Variants in ARHGAP20 observed in about 807,000 individuals in gnomAD.
The protein encoded by ARHGAP20 is rho GTPase-activating protein 20.
In ARHGAP20, 34 loss-of-function variants were observed where a neutral mutation model predicts 73.7. The ratio of observed to expected loss-of-function variants is 0.46; its 90% CI spans 0.35 to 0.61. ARHGAP20 has a LOEUF of 0.61. Among genes scored for constraint, ARHGAP20 ranks in the 20% least tolerant of loss-of-function variants. The probability of loss-of-function intolerance (pLI) is 0.00; values close to 1 mark genes in which losing one functional copy is unlikely to be tolerated. For missense variants in ARHGAP20, 1,314 were observed against 1,420.9 expected (o/e 0.92, Z 1.21); for synonymous variants, 523 against 518.2 (o/e 1.01, Z -0.13).
upstream of ARHGAP20, chr11:110,712,521 C>T (rs925893655): frequency 6.5e-6 from 1 of 153,622 alleles, no homozygotes; most frequent in African/African-American, 2.4e-5. Flanking sequence ...CGGGGCCCGC[C>T]CCCGCAGCCC....
At position 110,606,591 on chromosome 11, in the gene ARHGAP20, T is replaced by G. The variant is rs762653052; in HGVS notation, c.934A>C (p.Ser312Arg). 1.2e-6 allele frequency: 2 copies of G among 1,611,296 alleles called. No individual in the cohort carries two copies. The highest frequency in any genetic ancestry group is 1.7e-6 in the Non-Finnish European group (2 of 1,179,020). The change falls in exon 9 of 15, where the codon AGC (serine) becomes CGC (arginine). Residue 312 changes from serine (S) to arginine (R), a missense_variant. Around this residue, in one of 3 missense-constraint regions of ARHGAP20, gnomAD observed 443 missense variants for 466.4 expected, o/e 0.95. Transcript: ENST00000683387. ...EMQCQFILKPSRLAAAQQLSD... is the reference protein window; with the variant it reads ...EMQCQFILKPRRLAAAQQLSD... ...AGTTGCTGGGCTGCAGCCAGGCGGC[T>G]GGGCTTCAGGATGAACTGGCACTGC...
At chr11:110,664,403 A>G (rs963260505) in intron 2 of ARHGAP20, among the ~76,000 whole-genome samples, 3 of 152,162 alleles carry the variant, frequency 2.0e-5, no homozygotes, top group African/African-American at 7.2e-5. Flanking sequence ...TATCAATTGT[A>G]TTTCTACATA....
At chr11:110,655,279 T>C (rs1949440665) in intron 2 of ARHGAP20, among the ~76,000 whole-genome samples, 1 of 152,134 alleles carries the variant, frequency 6.6e-6, no homozygotes, top group African/African-American at 2.4e-5. Context: ...TTTTAAACTA[T>C]GTGGTACCAA....
chr11:110,624,133 G>A lies in ARHGAP20; in HGVS notation c.503+29C>T, dbSNP rs757464499. 3.1e-6 allele frequency: 5 copies of A among 1,599,820 alleles called. No individual in the cohort carries two copies. In the Admixed American group the frequency reaches 7.1e-5, roughly 23 times the overall value. On this transcript the variant is annotated intron_variant, in intron 4 of 14. Transcript: ENST00000683387. ...GAAATTATCATAGTAGCTAACCCAGGTAAATAGAGGACAAGCTGTGGTTCT... is the reference window on the plus strand; with the variant it reads ...GAAATTATCATAGTAGCTAACCCAGATAAATAGAGGACAAGCTGTGGTTCT...
In ARHGAP20 at chr11:110,577,231, C is replaced by A. The variant is rs187842352; in HGVS notation, c.*2139G>T. 399 of 1,494,894 alleles carry A rather than the reference C, an allele frequency of 2.7e-4. 3 individuals are homozygous for A. In the East Asian group the frequency reaches 8.3e-3, roughly 31 times the overall value. The allele number at this position is 1,494,894 out of a possible 1,614,324, so 92.6% of individuals were successfully genotyped here. On this transcript the variant is annotated 3_prime_UTR_variant, in exon 15 of 15. Coordinates refer to ENST00000683387, the MANE Select transcript of ARHGAP20 (RefSeq NM_001384657.1). ...CAAGATATATTATACAAACTCAAAGCATTTTAGATAAAGCATCAGTCTAAT... is the reference window on the plus strand; with the variant it reads ...CAAGATATATTATACAAACTCAAAGAATTTTAGATAAAGCATCAGTCTAAT...
In ARHGAP20 at chr11:110,579,539, C is replaced by T. The variant is rs1346862121; in HGVS notation, c.3407G>A (p.Cys1136Tyr). The T allele has an allele frequency of 1.9e-6, 3 of 1,614,158 alleles. No individual in the cohort carries two copies. Among genetic ancestry groups the T allele is most frequent in the South Asian group, 1.1e-5 (1 of 91,072 alleles). Residue 1136 changes from cysteine (C) to tyrosine (Y), a missense_variant, in exon 15 of 15, where the codon TGC (cysteine) becomes TAC (tyrosine). Around this residue, in one of 3 missense-constraint regions of ARHGAP20, gnomAD observed 641 missense variants for 636.9 expected, o/e 1.01. Transcript: ENST00000683387. ...CTCTATTTCCTCATGTGACTTCATG[C>T]ACAGCTTAAGTCTGCTCTCCACCAG... ...FSLVESRLKLCMKSHEEIEPG... is the reference protein window; with the variant it reads ...FSLVESRLKLYMKSHEEIEPG...
intron 2 of ARHGAP20, among the ~76,000 whole-genome samples, chr11:110,664,429 C>A (rs1949677418): frequency 6.6e-6 from 1 of 151,804 alleles, no homozygotes; most frequent in Non-Finnish European, 1.5e-5. Flanking sequence ...AACACACATT[C>A]AAAAAAATGA....
In ARHGAP20 at chr11:110,589,323, A is replaced by C. The variant is rs558155299; in HGVS notation, c.1305+1325T>G. 18 of 901,716 alleles carry C rather than the reference A, an allele frequency of 2.0e-5. No homozygotes were observed. In the South Asian group the frequency reaches 8.2e-4, roughly 41 times the overall value. 55.9% of individuals were successfully genotyped at this position (901,716 alleles called of 1,614,324 possible). ...CTCCAGTTCTCTTGCATGATATCTA[A>C]TTGCAAAAATTTATAGCAGGGTTTA... is the stretch of plus-strand genomic sequence containing the variant. On this transcript the variant is annotated intron_variant, in intron 11 of 14. Transcript: ENST00000683387.
At chr11:110,587,576 A>T (rs1289541365) in intron 11 of ARHGAP20, among the ~76,000 whole-genome samples, 1 of 152,174 alleles carries the variant, frequency 6.6e-6, no homozygotes, top group Non-Finnish European at 1.5e-5. Flanking sequence ...CAGGGTAGGG[A>T]CAGACCCTTC....
chr11:110,634,646 T>C lies in ARHGAP20; in HGVS notation c.189-3854A>G, dbSNP rs558628404. ...TGATATGGCAAGTTATCTGGTTGGCTTAGTTTCCTATATGTAAAGTAAGTT... is the reference window on the plus strand; with the variant it reads ...TGATATGGCAAGTTATCTGGTTGGCCTAGTTTCCTATATGTAAAGTAAGTT... On this transcript the variant is annotated intron_variant, in intron 2 of 14. Transcript: ENST00000683387. Among the ~76,000 whole-genome samples the C allele has an allele frequency of 5.3e-5, 8 of 152,256 alleles. No individual in the cohort carries two copies. The East Asian group carries it at 1.4e-3, about 26-fold the overall frequency.
chr11:110,706,044 T>C (rs1950547468), intron 1 of ARHGAP20, among the ~76,000 whole-genome samples: 1 of 152,186 alleles, frequency 6.6e-6, no homozygotes. Context: ...ACCTAATATT[T>C]ACCTAATGGT....
intron 2 of ARHGAP20, among the ~76,000 whole-genome samples, chr11:110,678,646 C>T (rs188062126): frequency 1.3e-5 from 2 of 152,060 alleles, no homozygotes; most frequent in East Asian, 1.9e-4. Flanking sequence ...AAACAACAAA[C>T]ATTTATTTAT....
At chr11:110,609,133 T>C in intron 7 of ARHGAP20, 83 bp from the exon 8 acceptor site, 1 of 1,234,722 alleles carries the variant, frequency 8.1e-7, no homozygotes, top group South Asian at 1.3e-5. Flanking sequence ...TTTTTGGTTA[T>C]GTGTCCTCCC....
intron 2 of ARHGAP20, among the ~76,000 whole-genome samples, chr11:110,674,753 C>T (rs1257042469): frequency 6.6e-6 from 1 of 152,108 alleles, no homozygotes; most frequent in Non-Finnish European, 1.5e-5. Context: ...ATATGTTGTT[C>T]TACACCTCAA....
At position 110,579,652 on chromosome 11, in the gene ARHGAP20, A is replaced by AGCTG; in HGVS notation, c.3290_3293dup (p.Glu1099SerfsTer2). 6.2e-7 allele frequency: 1 copy of AGCTG among 1,614,240 alleles called. No individual in the cohort carries two copies. Among genetic ancestry groups the AGCTG allele is most frequent in the Non-Finnish European group, 8.5e-7 (1 of 1,180,040 alleles). ...CTGACTGCACAGGGGACAGTCCTTCAGCTGCCCTTAAGGGCAAGTCTTTTT... is the reference window on the plus strand; with the variant it reads ...CTGACTGCACAGGGGACAGTCCTTCAGCTGGCTGCCCTTAAGGGCAAGTCTTTTT... On this transcript the variant is annotated frameshift_variant, in exon 15 of 15. Coordinates refer to ENST00000683387, the MANE Select transcript of ARHGAP20 (RefSeq NM_001384657.1). LOFTEE classifies it low-confidence loss of function (END_TRUNC).
intron 2 of ARHGAP20, among the ~76,000 whole-genome samples, chr11:110,648,355 T>TAC (rs1378609929): frequency 1.3e-5 from 2 of 149,316 alleles, no homozygotes; most frequent in African/African-American, 4.9e-5. Flanking sequence ...TGTGTATACA[T>TAC]ATATATATGT....
chr11:110,704,347 C>T (rs1950515412), intron 1 of ARHGAP20, among the ~76,000 whole-genome samples: 1 of 152,144 alleles, frequency 6.6e-6, no homozygotes, highest in South Asian at 2.1e-4. Context: ...GGCACACATA[C>T]ATTCCATTTT....
At chr11:110,661,656 C>T (rs1173967626) in intron 2 of ARHGAP20, among the ~76,000 whole-genome samples, 2 of 151,988 alleles carry the variant, frequency 1.3e-5, no homozygotes, top group African/African-American at 4.8e-5. Context: ...ACATAATTCA[C>T]ATTTATTTAG....
Position 110,581,281 on chromosome 11 carries a change from G to A in ARHGAP20, c.1721-56C>T, listed in dbSNP as rs981855363. The A allele has an allele frequency of 2.7e-6, 4 of 1,475,446 alleles. No homozygotes were observed. In the African/African-American group the frequency reaches 4.7e-5, roughly 17 times the overall value. The allele number at this position is 1,475,446 out of a possible 1,614,324, so 91.4% of individuals were successfully genotyped here. ...ATTTACTTACCACAAATATACTCAT[G>A]CTTCCTTAAGAACAAATTCTCTTTT... On this transcript the variant is annotated intron_variant, in intron 14 of 14. Coordinates refer to ENST00000683387, the MANE Select transcript of ARHGAP20 (RefSeq NM_001384657.1).
Sources: allele counts gnomAD v4.1 joint callset (sites outside exome capture counted in the v4.1 genomes callset), GRCh38; gene constraint gnomAD v4.1.1; regional missense constraint gnomAD v4.1.1; transcripts MANE v1.5; gene names NCBI Gene and HGNC (gene_info 2026-07-23, HGNC 2026-07-21).